NAE1: variants seen among roughly 807,000 people sequenced by gnomAD.
NAE1 encodes the protein NEDD8-activating enzyme E1 regulatory subunit.
In NAE1, 59 loss-of-function variants were observed where a neutral mutation model predicts 88.0. The observed-to-expected ratio is 0.67, with a 90% confidence interval of 0.54 to 0.83. The LOEUF (loss-of-function observed/expected upper bound fraction) is 0.83, where lower values mean the gene tolerates loss of function less well. NAE1 is among the 40% of genes least tolerant of loss of function. The pLI is 0.00. For synonymous variants in NAE1, 186 were observed against 208.9 expected, an observed-to-expected ratio of 0.89 and a Z score of 0.95; for missense variants, 554 against 632.8, an observed-to-expected ratio of 0.88 and a Z score of 1.34.
At chr16:66,818,939 C>A (rs1010189835) in intron 7 of NAE1, among the ~76,000 whole-genome samples, 1 of 152,202 alleles carries the variant, frequency 6.6e-6, no homozygotes, top group Non-Finnish European at 1.5e-5. Context: ...CCTTGCATTA[C>A]AGGTGTGAGC....
rs774728519 is a variant in NAE1, at chr16:66,809,125, T to C, written c.1151-50A>G. On this transcript the variant is annotated intron_variant, in intron 15 of 19. Coordinates refer to ENST00000290810, the MANE Select transcript of NAE1 (RefSeq NM_003905.4). ...AAGTAATGACTGTGACTGGTGAATA[T>C]TATGAATCACAGGTGACTTTAAGAA... 5.6e-5 allele frequency: 78 copies of C among 1,395,778 alleles called. 1 individual carries two copies. In the South Asian group the frequency reaches 9.1e-4, roughly 16 times the overall value. The allele number at this position is 1,395,778 out of a possible 1,614,324, so 86.5% of individuals were successfully genotyped here.
chr16:66,826,739 T>C lies in NAE1; in HGVS notation c.95A>G (p.His32Arg). 3 of 1,614,114 alleles carry C rather than the reference T, an allele frequency of 1.9e-6. No homozygotes were observed. Among genetic ancestry groups the C allele is most frequent in the Non-Finnish European group, 2.5e-6 (3 of 1,179,994 alleles). Residue 32 changes from histidine (H) to arginine (R), a missense_variant, in exon 2 of 20, where the codon CAT becomes CGT. His to Arg is a conservative substitution (Grantham distance 29). Coordinates refer to ENST00000290810, the MANE Select transcript of NAE1 (RefSeq NM_003905.4). Reference protein sequence around the residue: ...DHGQEALESAHVCLINATATG... With the variant: ...DHGQEALESARVCLINATATG... The stretch of plus-strand genomic sequence containing the variant: ...GGCTGTTGCATTTATTAGGCAAACA[T>C]GAGCAGATTCTAAAGCCTCTTGCCC...
Position 66,810,757 on chromosome 16 carries a change from T to C in NAE1, c.1050A>G (p.Ala350=). 7 of 1,614,196 alleles carry C rather than the reference T, an allele frequency of 4.3e-6. No homozygotes were observed. The highest frequency in any genetic ancestry group is 5.9e-6 in the Non-Finnish European group (7 of 1,180,026). The change falls in exon 14 of 20, where the codon GCA becomes GCG. Residue 350 remains alanine (A), a synonymous_variant. Transcript: ENST00000290810. ...TACCCACAGCGGCAGCATCTTTCTT[T>C]GCTTTTTCACGGTAACTAAAAAAGA... ...IKLQNVYREK[A]KKDAAAVGNH... is the part of the protein sequence containing the mutation.
intron 11 of NAE1, among the ~76,000 whole-genome samples, chr16:66,816,007 T>A (rs1360459441): frequency 1.3e-5 from 2 of 152,152 alleles, no homozygotes; most frequent in Non-Finnish European, 2.9e-5. Context: ...TGCCTTGTTG[T>A]CTCTAAAAAG....
At chr16:66,815,855 G>A (rs1960022521) in intron 11 of NAE1, among the ~76,000 whole-genome samples, 1 of 151,118 alleles carries the variant, frequency 6.6e-6, no homozygotes, top group African/African-American at 2.4e-5. Flanking sequence ...TAGAGATGGG[G>A]TTTCACCATG....
chr16:66,821,586 G>T, intron 6 of NAE1, 27 bp from the exon 7 acceptor site: 1 of 1,498,956 alleles, frequency 6.7e-7, no homozygotes, highest in South Asian at 1.3e-5. Flanking sequence ...AGCAAAATAT[G>T]AACATAAGCA....
At chr16:66,820,127 C>CA (rs1209567122) in intron 7 of NAE1, among the ~76,000 whole-genome samples, 2 of 152,368 alleles carry the variant, frequency 1.3e-5, no homozygotes, top group East Asian at 3.9e-4. Context: ...TCCTGACAAG[C>CA]ACTCCCTAAC....
chr16:66,819,821 G>A (rs1960182168), intron 7 of NAE1, among the ~76,000 whole-genome samples: 1 of 152,122 alleles, frequency 6.6e-6, no homozygotes, highest in Non-Finnish European at 1.5e-5. Flanking sequence ...ATAAAGGCAG[G>A]CACACAACTA....
chr16:66,826,560 CAAT>C lies in NAE1; in HGVS notation c.178_180del (p.Ile60del). On this transcript the variant is annotated inframe_deletion, in exon 3 of 20. Coordinates refer to ENST00000290810, the MANE Select transcript of NAE1 (RefSeq NM_003905.4). ...TCTTCTCCGCTGACCTGATTTCCAT[CAAT>C]AATTGTAAACGAACCAATACCTGAG... The C allele has an allele frequency of 6.2e-7, 1 of 1,614,098 alleles. No homozygotes were observed. Among genetic ancestry groups the C allele is most frequent in the Non-Finnish European group, 8.5e-7 (1 of 1,180,030 alleles).
At chr16:66,808,852 A>G in intron 16 of NAE1, 137 bp downstream of exon 16, 1 of 634,488 alleles carries the variant, frequency 1.6e-6, no homozygotes, top group Non-Finnish European at 2.6e-6. Context: ...TTACCTAGAT[A>G]AGCTTAGAAT....
rs1214123614 is a variant in NAE1, at chr16:66,808,728, C to T, written c.1238-115G>A. ...GGACTATTAACTGGAGTCACACAAT[C>T]TCTACTGAAGTAGTAACATACTGAC... On this transcript the variant is annotated intron_variant, in intron 16 of 19. Transcript: ENST00000290810. The T allele has an allele frequency of 2.7e-5, 22 of 804,898 alleles. No homozygotes were observed. In the South Asian group the frequency reaches 3.0e-4, roughly 11 times the overall value. The allele number at this position is 804,898 out of a possible 1,614,324, so 49.9% of individuals were successfully genotyped here.
In NAE1 at chr16:66,817,498, G is replaced by C. The variant is rs745882004; in HGVS notation, c.622-11C>G. 22 of 1,531,592 alleles carry C rather than the reference G, an allele frequency of 1.4e-5. No individual in the cohort carries two copies. The South Asian group carries it at 2.7e-4, about 19-fold the overall frequency. The allele number at this position is 1,531,592 out of a possible 1,614,324, so 94.9% of individuals were successfully genotyped here. On this transcript the variant is annotated splice_polypyrimidine_tract_variant and intron_variant, in intron 8 of 19. Coordinates refer to ENST00000290810, the MANE Select transcript of NAE1 (RefSeq NM_003905.4). ...AGTATGACTGTGGTCCTAAAAATGA[G>C]AGACAAATAAAAGAAAATATCAGTA...
At chr16:66,807,357 C>A (rs1353622694) in intron 17 of NAE1, among the ~76,000 whole-genome samples, 1 of 151,942 alleles carries the variant, frequency 6.6e-6, no homozygotes, top group Non-Finnish European at 1.5e-5. Context: ...ACTATAAACT[C>A]TGGGCAGCGC....
chr16:66,806,097 C>G (rs1959551343), intron 17 of NAE1, 71 bp from the exon 18 acceptor site: 3 of 1,459,754 alleles, frequency 2.1e-6, no homozygotes, highest in Non-Finnish European at 2.7e-6. Flanking sequence ...TTTATTTAAT[C>G]TAGTTTCAGA....
chr16:66,816,233 T>C (rs1237991357), intron 11 of NAE1, among the ~76,000 whole-genome samples: 1 of 152,132 alleles, frequency 6.6e-6, no homozygotes, highest in African/African-American at 2.4e-5. Context: ...TGGTGTAATC[T>C]TGGCTCACTA....
intron 10 of NAE1, 46 bp from the exon 11 acceptor site, chr16:66,816,718 T>G (rs1218216464): frequency 7.0e-7 from 1 of 1,418,660 alleles, no homozygotes. Flanking sequence ...TTCTTTTCAC[T>G]CTTCTGTTCC....
chr16:66,826,834 T>C, intron 1 of NAE1, 54 bp from the exon 2 acceptor site: 2 of 1,508,126 alleles, frequency 1.3e-6, no homozygotes, highest in Admixed American at 4.1e-5. Flanking sequence ...AAATACAGCT[T>C]TCTTATTTGA....
At chr16:66,822,291 T>G (rs1960294436) in intron 6 of NAE1, among the ~76,000 whole-genome samples, 1 of 152,182 alleles carries the variant, frequency 6.6e-6, no homozygotes, top group African/African-American at 2.4e-5. Flanking sequence ...CATCTAAGGT[T>G]AGGCTTGGTG....
rs951744132 is a variant in NAE1, at chr16:66,805,244, G to A, written c.1495+533C>T. Among the ~76,000 whole-genome samples, 12 of 152,218 alleles carry A rather than the reference G, an allele frequency of 7.9e-5. 1 individual carries two copies. Among genetic ancestry groups the A allele is most frequent in the Middle Eastern group, 3.4e-3 (1 of 294 alleles). On this transcript the variant is annotated intron_variant, in intron 19 of 19. Coordinates refer to ENST00000290810, the MANE Select transcript of NAE1 (RefSeq NM_003905.4). ...GAACCAAAACACAGGGTTTTTTAAC[G>A]TCAAGCCAAAGTCCTTGGACTTGCT...
Sources: gnomAD v4.1 joint callset for allele counts (sites outside exome capture counted in the v4.1 genomes callset) on GRCh38, gnomAD v4.1.1 for gene constraint, MANE v1.5 for transcripts, NCBI Gene and HGNC (gene_info 2026-07-23, HGNC 2026-07-21) for gene names.